Variants in MAST4 observed in about 807,000 individuals in gnomAD.
MAST4 encodes microtubule-associated serine/threonine-protein kinase 4.
A neutral mutation model predicts 162.7 loss-of-function variants in MAST4; 89 were observed. That is an observed-to-expected ratio of 0.55 (90% CI 0.46 to 0.65). The LOEUF (loss-of-function observed/expected upper bound fraction) is 0.65. MAST4 is among the 30% of genes least tolerant of loss of function. The pLI is 0.00. For synonymous variants in MAST4, 1,479 were observed against 1,361.1 expected (o/e 1.09, Z -1.91); for missense variants, 3,153 against 3,374.0 (o/e 0.93, Z 1.62).
chr5:66,736,611 G>A lies in MAST4; in HGVS notation c.364-23098G>A, dbSNP rs76597691. ...AAGTTCTTTAAGTCTTTTTTAAGAC[G>A]AAGGTAGAGTATGAGGACATAAGGA... On this transcript the variant is annotated intron_variant, in intron 1 of 28. Coordinates refer to ENST00000403625, the MANE Select transcript of MAST4 (RefSeq NM_001164664.2). 7.8e-3 allele frequency among the ~76,000 whole-genome samples: 1,189 copies of A among 152,232 alleles called. 19 individuals are homozygous for A. Among genetic ancestry groups the A allele is most frequent in the African/African-American group, 0.026 (1,091 of 41,516 alleles).
At chr5:66,834,988 T>C (rs1360450253) in intron 3 of MAST4, among the ~76,000 whole-genome samples, 4 of 152,160 alleles carry the variant, frequency 2.6e-5, no homozygotes, top group Admixed American at 2.6e-4. Flanking sequence ...ATTTATCTCC[T>C]GGATTCCCAG....
At position 66,883,946 on chromosome 5, in the gene MAST4, G is replaced by A. The variant is rs73765772; in HGVS notation, c.643-16005G>A. Among the ~76,000 whole-genome samples, 986 of 152,238 alleles carry A rather than the reference G, an allele frequency of 6.5e-3. 9 individuals are homozygous for A. The highest frequency in any genetic ancestry group is 0.022 in the African/African-American group (925 of 41,530). On this transcript the variant is annotated intron_variant, in intron 3 of 28. Transcript: ENST00000403625. ...CTGCAATCTTGCAAGTGTACAAAGG[G>A]ACACTTTATTGAATTACATCGTAAG...
At chr5:67,070,435 A>G (rs1350245573) in intron 5 of MAST4, among the ~76,000 whole-genome samples, 2 of 152,170 alleles carry the variant, frequency 1.3e-5, no homozygotes, top group Non-Finnish European at 2.9e-5. Context: ...CAGTGTGCCT[A>G]TCTAACCTGA....
intron 1 of MAST4, among the ~76,000 whole-genome samples, chr5:66,698,866 C>T (rs1047532501): frequency 1.3e-5 from 2 of 152,202 alleles, no homozygotes; most frequent in African/African-American, 4.8e-5. Flanking sequence ...TAAACTCTCC[C>T]TCCATGGGCA....
At chr5:67,054,028 A>G (rs545990595) in intron 4 of MAST4, among the ~76,000 whole-genome samples, 1 of 152,344 alleles carries the variant, frequency 6.6e-6, no homozygotes, top group East Asian at 1.9e-4. Flanking sequence ...ACTGCACTTC[A>G]TTGCATGTAA....
chr5:67,086,807 T>C (rs1340030148), intron 5 of MAST4, among the ~76,000 whole-genome samples: 1 of 152,162 alleles, frequency 6.6e-6, no homozygotes, highest in Admixed American at 6.6e-5. Context: ...AAGACTCGGG[T>C]TTCACTCCTT....
intron 3 of MAST4, among the ~76,000 whole-genome samples, chr5:66,890,527 A>G (rs1391740543): frequency 6.6e-6 from 1 of 152,202 alleles, no homozygotes; most frequent in African/African-American, 2.4e-5. Flanking sequence ...CTTCTGCTTT[A>G]AAAGGTCTGT....
intron 1 of MAST4, among the ~76,000 whole-genome samples, chr5:66,742,471 A>C (rs1458827317): frequency 6.6e-6 from 1 of 152,198 alleles, no homozygotes; most frequent in Non-Finnish European, 1.5e-5. Context: ...GGTTAAAAAA[A>C]CAAAAAGGAA....
chr5:66,685,447 C>G (rs541465827), intron 1 of MAST4, among the ~76,000 whole-genome samples: 7 of 151,884 alleles, frequency 4.6e-5, no homozygotes, highest in Non-Finnish European at 8.8e-5. Flanking sequence ...ATTAACAAAA[C>G]GTTTGCAGAA....
intron 1 of MAST4, among the ~76,000 whole-genome samples, chr5:66,688,079 G>A (rs1748805254): frequency 6.6e-6 from 1 of 152,116 alleles, no homozygotes; most frequent in Non-Finnish European, 1.5e-5. Flanking sequence ...AGCTTGGTTT[G>A]GACAGTAATA....
chr5:66,763,419 C>G (rs2149619745), intron 2 of MAST4, among the ~76,000 whole-genome samples: 1 of 152,208 alleles, frequency 6.6e-6, no homozygotes, highest in African/African-American at 2.4e-5. Context: ...AATTTGACTT[C>G]TCAGAATTCA....
At chr5:66,944,283 C>A (rs1291096588) in intron 4 of MAST4, among the ~76,000 whole-genome samples, 1 of 152,082 alleles carries the variant, frequency 6.6e-6, no homozygotes, top group African/African-American at 2.4e-5. Context: ...TGTAAAGTTG[C>A]TTCAAAGGTC....
chr5:67,095,660 CAGCT>C lies in MAST4; in HGVS notation c.898_901del (p.Ser300LeufsTer56). The C allele has an allele frequency of 6.2e-7, 1 of 1,606,764 alleles. No individual in the cohort carries two copies. The highest frequency in any genetic ancestry group is 8.5e-7 in the Non-Finnish European group (1 of 1,175,974). On this transcript the variant is annotated frameshift_variant, in exon 7 of 29. Transcript: ENST00000403625. LOFTEE classifies it high-confidence loss of function. ...CCTCTGGCTATGGGACAAACACACC[CAGCT>C]CTACGGTCTCTGTAAGTGCCTGACT...
At chr5:66,693,814 T>C (rs1749218430) in intron 1 of MAST4, among the ~76,000 whole-genome samples, 1 of 152,030 alleles carries the variant, frequency 6.6e-6, no homozygotes, top group Admixed American at 6.6e-5. Context: ...AGTGTACAAA[T>C]GTGGAAAGAG....
intron 4 of MAST4, among the ~76,000 whole-genome samples, chr5:67,005,846 C>T (rs1291034225): frequency 6.6e-6 from 1 of 152,192 alleles, no homozygotes; most frequent in Non-Finnish European, 1.5e-5. Context: ...GAGGGGCACA[C>T]CTTTTGAGTT....
rs773727422 is a variant in MAST4, at chr5:67,160,624, G to T, written c.3785+32G>T. 12 of 1,602,246 alleles carry T rather than the reference G, an allele frequency of 7.5e-6. No homozygotes were observed. The East Asian group carries it at 2.5e-4, about 33-fold the overall frequency. On this transcript the variant is annotated intron_variant, in intron 27 of 28. Coordinates refer to ENST00000403625, the MANE Select transcript of MAST4 (RefSeq NM_001164664.2). Reference sequence around the variant, plus strand: ...AAAATCAGTATTCTTTTTAAGTTTGGTGTATACCTATGTTGGGGAAAAGTT... The same window carrying T: ...AAAATCAGTATTCTTTTTAAGTTTGTTGTATACCTATGTTGGGGAAAAGTT...
intron 1 of MAST4, among the ~76,000 whole-genome samples, chr5:66,744,045 C>A (rs1000973877): frequency 1.3e-5 from 2 of 152,060 alleles, no homozygotes; most frequent in African/African-American, 4.8e-5. Context: ...TTCTTTATCC[C>A]TCAGTCATTT....
intron 4 of MAST4, among the ~76,000 whole-genome samples, chr5:66,974,582 C>G (rs942446035): frequency 3.4e-4 from 52 of 152,326 alleles, no homozygotes; most frequent in African/African-American, 1.2e-3. Flanking sequence ...TTGTCACGGA[C>G]AGTGGAAACA....
intron 2 of MAST4, among the ~76,000 whole-genome samples, chr5:66,780,507 C>T (rs773006060): frequency 2.0e-5 from 3 of 152,152 alleles, no homozygotes; most frequent in Admixed American, 6.5e-5. Flanking sequence ...AAGCTGCGGA[C>T]CTTCGTGGCG....
Sources: allele counts gnomAD v4.1 joint callset (sites outside exome capture counted in the v4.1 genomes callset), GRCh38; gene constraint gnomAD v4.1.1; transcripts MANE v1.5; gene names NCBI Gene and HGNC (gene_info 2026-07-23, HGNC 2026-07-21).